CFAP46: variants seen among roughly 807,000 people sequenced by gnomAD.
CFAP46 encodes the protein cilia- and flagella-associated protein 46.
Under a neutral mutation model 325.7 loss-of-function variants are expected in CFAP46, and 245 were observed. That is an observed-to-expected ratio of 0.75 (90% CI 0.68 to 0.84). The LOEUF is 0.84. Among genes scored for constraint, CFAP46 ranks in the 40% least tolerant of loss-of-function variants. The pLI is 0.00. For synonymous variants in CFAP46, 1,523 were observed against 1,495.9 expected (o/e 1.02, Z -0.42); for missense variants, 3,346 against 3,543.0 (o/e 0.94, Z 1.41).
chr10:132,880,615 C>A (rs1016227211), intron 28 of CFAP46, among the ~76,000 whole-genome samples: 2 of 152,170 alleles, frequency 1.3e-5, no homozygotes, highest in Non-Finnish European at 2.9e-5. Flanking sequence ...TGGTGGCAGT[C>A]AGGCTGAGTC....
At chr10:132,823,967 G>A (rs1456505622) in intron 50 of CFAP46, among the ~76,000 whole-genome samples, 1 of 132,634 alleles carries the variant, frequency 7.5e-6, no homozygotes, top group Non-Finnish European at 1.6e-5. Context: ...TGCTGTGTGA[G>A]TGCTAATGTG....
intron 35 of CFAP46, 116 bp from the exon 36 acceptor site, chr10:132,861,098 C>T (rs1848715550): frequency 1.9e-5 from 20 of 1,047,804 alleles, no homozygotes; most frequent in Non-Finnish European, 2.8e-5. Context: ...CAGACAGACG[C>T]ACCAGGTGAG....
chr10:132,825,179 T>TGCA (rs1848021844), intron 50 of CFAP46, among the ~76,000 whole-genome samples: 2 of 148,892 alleles, frequency 1.3e-5, no homozygotes, highest in East Asian at 4.0e-4. Flanking sequence ...GTGCTGTGTG[T>TGCA]GTGCTGTGTG....
chr10:132,915,494 G>A lies in CFAP46; in HGVS notation c.2120+1055C>T, dbSNP rs187097383. ...AGAGCTCGGCCGGGTGGCTCCAGGC[G>A]TGCATGGCAAGCAGGGACAGCTGGC... On this transcript the variant is annotated intron_variant, in intron 17 of 57. Coordinates refer to ENST00000368586, the MANE Select transcript of CFAP46 (RefSeq NM_001200049.3). Among the ~76,000 whole-genome samples, 792 of 152,388 alleles carry A rather than the reference G, an allele frequency of 5.2e-3. 6 individuals are homozygous for A. The highest frequency in any genetic ancestry group is 0.013 in the African/African-American group (548 of 41,602).
In CFAP46 at chr10:132,852,705, G is replaced by A. The variant is rs574538250; in HGVS notation, c.5575-1400C>T. Among the ~76,000 whole-genome samples the A allele has an allele frequency of 2.6e-5, 4 of 152,340 alleles. No individual in the cohort carries two copies. In the South Asian group the frequency reaches 8.3e-4, roughly 32 times the overall value. ...AGGCATTCTCAAATTCTGATCCACA[G>A]ACATGATGCATTTCTCCATTTACCT... On this transcript the variant is annotated intron_variant, in intron 39 of 57. Coordinates refer to ENST00000368586, the MANE Select transcript of CFAP46 (RefSeq NM_001200049.3).
At chr10:132,852,582 A>T (rs1258461800) in intron 39 of CFAP46, among the ~76,000 whole-genome samples, 1 of 152,192 alleles carries the variant, frequency 6.6e-6, no homozygotes, top group Non-Finnish European at 1.5e-5. Flanking sequence ...TTACTTAGCT[A>T]TTCTCAGATC....
chr10:132,920,151 GGTGAACCGGCCCCT>G lies in CFAP46; in HGVS notation c.1624_1637del (p.Arg542LeufsTer62). 2 of 1,547,954 alleles carry G rather than the reference GGTGAACCGGCCCCT, an allele frequency of 1.3e-6. No homozygotes were observed. Among genetic ancestry groups the G allele is most frequent in the Non-Finnish European group, 1.7e-6 (2 of 1,146,026 alleles). The stretch of plus-strand genomic sequence containing the variant: ...GGTGCCACGCCTTCGCACAGAGGTA[GGTGAACCGGCCCCT>G]GTTCTTCCCGGTGGAGACTGAGGGC... On this transcript the variant is annotated frameshift_variant, in exon 14 of 58. Transcript: ENST00000368586. LOFTEE classifies it high-confidence loss of function.
intron 50 of CFAP46, among the ~76,000 whole-genome samples, chr10:132,824,948 C>CAG (rs1564768307): frequency 1.6e-5 from 2 of 128,914 alleles, no homozygotes; most frequent in African/African-American, 6.1e-5. Flanking sequence ...TGTGTGTGTG[C>CAG]TGATGTGTGC....
rs952224178 is a variant in CFAP46, at chr10:132,845,949, G to A, written c.6438+108C>T. 1.3e-5 allele frequency: 16 copies of A among 1,240,730 alleles called. 1 individual carries two copies. In the South Asian group the frequency reaches 1.5e-4, roughly 11 times the overall value. 76.9% of individuals were successfully genotyped at this position (1,240,730 alleles called of 1,614,324 possible). A position where few individuals can be genotyped will look rare whatever the true frequency, so the allele number is the denominator to read the frequency against. ...ACGGGGAGGGATGGCTCATGAGCTG[G>A]GGGGTGAGCAAGGCTGCCTCGCTCA... On this transcript the variant is annotated intron_variant, in intron 44 of 57. Coordinates refer to ENST00000368586, the MANE Select transcript of CFAP46 (RefSeq NM_001200049.3).
At chr10:132,840,786 C>T (rs766389376) in intron 44 of CFAP46, among the ~76,000 whole-genome samples, 26 of 152,230 alleles carry the variant, frequency 1.7e-4, no homozygotes, top group African/African-American at 5.3e-4. Flanking sequence ...TTTATGTCAC[C>T]GTGGTTGGAA....
At chr10:132,821,087 G>A (rs1340896827) in intron 50 of CFAP46, among the ~76,000 whole-genome samples, 1 of 132,514 alleles carries the variant, frequency 7.5e-6, no homozygotes, top group African/African-American at 2.9e-5. Flanking sequence ...TGCTGTGTGT[G>A]CTGATGTGTG....
chr10:132,930,097 CAG>C (rs760153927), intron 8 of CFAP46, among the ~76,000 whole-genome samples: 10 of 152,242 alleles, frequency 6.6e-5, no homozygotes, highest in Non-Finnish European at 1.0e-4. Context: ...AGGTCATGTG[CAG>C]AACCCAGGAG....
chr10:132,913,182 C>T lies in CFAP46; in HGVS notation c.2197G>A (p.Glu733Lys), dbSNP rs990915662. The change falls in exon 18 of 58, where the codon GAG becomes AAG. Residue 733 changes from glutamate (E) to lysine (K), a missense_variant. Coordinates refer to ENST00000368586, the MANE Select transcript of CFAP46 (RefSeq NM_001200049.3). ...RSAEIGQEIQ[E>K]AWIVQNAVVY... ...ACGGCGTTCTGCACAATCCACGCCTCCTGGATCTCCTGTCCGATCTCTGCG... is the reference window on the plus strand; with the variant it reads ...ACGGCGTTCTGCACAATCCACGCCTTCTGGATCTCCTGTCCGATCTCTGCG... 6.5e-7 allele frequency: 1 copy of T among 1,550,356 alleles called. No individual in the cohort carries two copies. Among genetic ancestry groups the T allele is most frequent in the Non-Finnish European group, 8.7e-7 (1 of 1,147,012 alleles).
At chr10:132,916,754 C>A (rs1221719356) in intron 16 of CFAP46, 72 bp from the exon 17 acceptor site, 46 of 1,400,244 alleles carry the variant, frequency 3.3e-5, no homozygotes, top group Non-Finnish European at 4.1e-5. Flanking sequence ...GAAACACACA[C>A]GCCCTTCCCT....
rs755721102 is a variant in CFAP46, at chr10:132,810,403, C to T, written c.7664+6G>A. 1.9e-6 allele frequency: 3 copies of T among 1,613,032 alleles called. No individual in the cohort carries two copies. The highest frequency in any genetic ancestry group is 2.2e-5 in the South Asian group (2 of 91,090). On this transcript the variant is annotated splice_donor_region_variant and intron_variant, in intron 57 of 57. Transcript: ENST00000368586. ...GGCCGCGGGGTGCAGGCCGCCCCTCCCTTACCTTGGTTCACCGCCTCGTCG... is the reference window on the plus strand; with the variant it reads ...GGCCGCGGGGTGCAGGCCGCCCCTCTCTTACCTTGGTTCACCGCCTCGTCG...
chr10:132,836,815 A>T lies in CFAP46; in HGVS notation c.6536+2T>A, dbSNP rs773036950. On this transcript the variant is annotated splice_donor_variant, in intron 45 of 57. Coordinates refer to ENST00000368586, the MANE Select transcript of CFAP46 (RefSeq NM_001200049.3). LOFTEE classifies it high-confidence loss of function. ...GGCCTCAACAAGAAGGAGCGGCTTTACCTGTCCCCTGAGAGGTGCAGAAAG... is the reference window on the plus strand; with the variant it reads ...GGCCTCAACAAGAAGGAGCGGCTTTTCCTGTCCCCTGAGAGGTGCAGAAAG... 5.0e-6 allele frequency: 8 copies of T among 1,612,646 alleles called. No homozygotes were observed. The African/African-American group carries it at 8.0e-5, about 16-fold the overall frequency.
rs183288562 is a variant in CFAP46, at chr10:132,816,744, C to A, written c.7118-1830G>T. Among the ~76,000 whole-genome samples, 435 of 152,288 alleles carry A rather than the reference C, an allele frequency of 2.9e-3. 4 individuals are homozygous for A. Among genetic ancestry groups the A allele is most frequent in the African/African-American group, 9.9e-3 (411 of 41,568 alleles). Reference sequence around the variant, plus strand: ...TTCTAAGTTATGTTTAGCAACATCTCGCTAGTTTTTGACATTTCCATGATC... The same window carrying A: ...TTCTAAGTTATGTTTAGCAACATCTAGCTAGTTTTTGACATTTCCATGATC... On this transcript the variant is annotated intron_variant, in intron 50 of 57. Coordinates refer to ENST00000368586, the MANE Select transcript of CFAP46 (RefSeq NM_001200049.3).
chr10:132,933,663 C>T (rs1452037666), intron 8 of CFAP46, among the ~76,000 whole-genome samples: 2 of 152,248 alleles, frequency 1.3e-5, no homozygotes, highest in Admixed American at 6.5e-5. Flanking sequence ...GCCCCTCCCT[C>T]GAGGAGCCTG....
chr10:132,851,417 G>A (rs761711684), intron 39 of CFAP46, 112 bp from the exon 40 acceptor site: 74 of 1,003,706 alleles, frequency 7.4e-5, no homozygotes, highest in African/African-American at 3.2e-4. Flanking sequence ...AACAAACTGC[G>A]CAGATCTACA....
Sources: gnomAD v4.1 joint callset for allele counts (sites outside exome capture counted in the v4.1 genomes callset) on GRCh38, gnomAD v4.1.1 for gene constraint, MANE v1.5 for transcripts, NCBI Gene and HGNC (gene_info 2026-07-23, HGNC 2026-07-21) for gene names.